PKN2: variants seen among roughly 807,000 people sequenced by gnomAD.
PKN2 encodes the protein protein kinase N2.
In PKN2, 38 loss-of-function variants were observed where a neutral mutation model predicts 119.1. The ratio of observed to expected loss-of-function variants is 0.32; its 90% CI spans 0.25 to 0.42. The LOEUF is 0.42. Ranked by LOEUF, PKN2 falls within the 10% of genes least tolerant of loss-of-function variation. PKN2 has a pLI of 1.00. For missense variants in PKN2, 850 were observed against 1,165.1 expected, an observed-to-expected ratio of 0.73 and a Z score of 3.94; for synonymous variants, 390 against 384.9, an observed-to-expected ratio of 1.01 and a Z score of -0.15.
chr1:88,685,299 T>C (rs1003193901), intron 1 of PKN2: 1 of 152,000 alleles, frequency 6.6e-6, no homozygotes, highest in Non-Finnish European at 1.5e-5. Context: ...TGCCTTTCTC[T>C]GCTACCCCTG....
chr1:88,730,529 T>G (rs1342145411), intron 1 of PKN2, among the ~76,000 whole-genome samples: 1 of 152,234 alleles, frequency 6.6e-6, no homozygotes. Flanking sequence ...AAAGCTTTCA[T>G]CAAAATCCTG....
intron 1 of PKN2, among the ~76,000 whole-genome samples, chr1:88,733,584 T>G (rs1009079275): frequency 6.6e-6 from 1 of 152,192 alleles, no homozygotes; most frequent in African/African-American, 2.4e-5. Flanking sequence ...TATTAACCCT[T>G]TATCAGTTGT....
chr1:88,695,846 T>C (rs752475365), intron 1 of PKN2, among the ~76,000 whole-genome samples: 4 of 152,208 alleles, frequency 2.6e-5, no homozygotes, highest in African/African-American at 4.8e-5. Flanking sequence ...ACGTCTCTCA[T>C]GTTTTTATTA....
Position 88,684,465 on chromosome 1 carries a change from T to TTG in PKN2, c.-114_-113dup. 2.3e-6 allele frequency: 2 copies of TTG among 864,628 alleles called. No individual in the cohort carries two copies. Among genetic ancestry groups the TTG allele is most frequent in the Admixed American group, 3.0e-5 (1 of 33,440 alleles). The allele number at this position is 864,628 out of a possible 1,614,324, so 53.6% of individuals were successfully genotyped here. A position where few individuals can be genotyped will look rare whatever the true frequency, so the allele number is the denominator to read the frequency against. ...GGGCTGCGCCTCCATGAATCCCTAG[T>TTG]TGTTTTTTTTTTTTTCTTTCTCTCC... On this transcript the variant is annotated 5_prime_UTR_variant, in exon 1 of 22. Transcript: ENST00000370521.
intron 1 of PKN2, among the ~76,000 whole-genome samples, chr1:88,726,422 C>T (rs1482107251): frequency 6.6e-6 from 1 of 151,978 alleles, no homozygotes; most frequent in Admixed American, 6.6e-5. Context: ...CATAAGTTGG[C>T]GTGATCATGT....
intron 6 of PKN2, among the ~76,000 whole-genome samples, chr1:88,779,071 T>G (rs1327555017): frequency 6.6e-6 from 1 of 152,186 alleles, no homozygotes; most frequent in East Asian, 1.9e-4. Context: ...GGTGTTAGTA[T>G]TTTAGGGAGC....
intron 1 of PKN2, among the ~76,000 whole-genome samples, chr1:88,725,708 A>G (rs1667869609): frequency 6.6e-6 from 1 of 152,240 alleles, no homozygotes; most frequent in Admixed American, 6.5e-5. Context: ...TTTGAAGAGC[A>G]AAAGTTTTAC....
At chr1:88,775,485 C>T (rs1670055684) in intron 6 of PKN2, among the ~76,000 whole-genome samples, 1 of 152,060 alleles carries the variant, frequency 6.6e-6, no homozygotes, top group Non-Finnish European at 1.5e-5. Flanking sequence ...TGTGGATGTA[C>T]CATAATTTAT....
At chr1:88,689,094 G>A (rs545291615) in intron 1 of PKN2, among the ~76,000 whole-genome samples, 1 of 152,284 alleles carries the variant, frequency 6.6e-6, no homozygotes, top group East Asian at 1.9e-4. Flanking sequence ...TGAGTTGGGA[G>A]GATTAAAATT....
At chr1:88,817,720 AAAG>A (rs1274925401) in intron 16 of PKN2, among the ~76,000 whole-genome samples, 1 of 145,096 alleles carries the variant, frequency 6.9e-6, no homozygotes, top group East Asian at 2.1e-4. Flanking sequence ...AAAAAAAAAA[AAAG>A]AAAAGAAAAG....
intron 19 of PKN2, chr1:88,829,312 AT>A: frequency 1.7e-6 from 1 of 597,538 alleles, no homozygotes; most frequent in Admixed American, 2.3e-5. Context: ...CACATGTGCT[AT>A]CAAAAGTATT....
intron 2 of PKN2, among the ~76,000 whole-genome samples, chr1:88,754,727 G>A (rs901168142): frequency 8.5e-5 from 13 of 152,114 alleles, no homozygotes; most frequent in Admixed American, 5.2e-4. Flanking sequence ...TCTTGTCTGC[G>A]TTCCATCTTA....
chr1:88,813,809 AT>A, intron 16 of PKN2, 76 bp downstream of exon 16: 1 of 1,249,854 alleles, frequency 8.0e-7, no homozygotes, highest in Non-Finnish European at 1.1e-6. Flanking sequence ...GATTCTTTGA[AT>A]TTTAGATTTT....
chr1:88,728,935 C>T (rs1195020356), intron 1 of PKN2, among the ~76,000 whole-genome samples: 2 of 147,402 alleles, frequency 1.4e-5, no homozygotes, highest in Non-Finnish European at 3.0e-5. Flanking sequence ...CGCTCTTGTG[C>T]CCAGGCTGGA....
intron 3 of PKN2, 83 bp downstream of exon 3, chr1:88,760,459 T>C (rs1483007208): frequency 1.2e-5 from 9 of 769,524 alleles, no homozygotes; most frequent in Non-Finnish European, 1.6e-5. Flanking sequence ...TTCAATAAAA[T>C]TTATTAGTAA....
chr1:88,701,472 A>G (rs1025229722), intron 1 of PKN2, among the ~76,000 whole-genome samples: 11 of 152,358 alleles, frequency 7.2e-5, no homozygotes, highest in Admixed American at 3.9e-4. Context: ...TGGTTGCTCA[A>G]TATGAGACTT....
intron 1 of PKN2, among the ~76,000 whole-genome samples, chr1:88,708,190 C>T (rs983463155): frequency 4.7e-5 from 7 of 149,962 alleles, no homozygotes; most frequent in African/African-American, 7.3e-5. Context: ...CTGTTAAACT[C>T]GAATATGGTT....
intron 19 of PKN2, among the ~76,000 whole-genome samples, chr1:88,830,956 A>G (rs1034329727): frequency 1.3e-5 from 2 of 152,130 alleles, no homozygotes; most frequent in Admixed American, 1.3e-4. Context: ...AGATTTCTCT[A>G]TTATTACAAA....
At chr1:88,765,274 C>A (rs1669619266) in intron 3 of PKN2, among the ~76,000 whole-genome samples, 1 of 104,904 alleles carries the variant, frequency 9.5e-6, no homozygotes, top group Non-Finnish European at 1.9e-5. Context: ...GTTTTTGAGA[C>A]TTCATCTCAA....
Sources: allele counts gnomAD v4.1 joint callset (sites outside exome capture counted in the v4.1 genomes callset), GRCh38; gene constraint gnomAD v4.1.1; transcripts MANE v1.5; gene names NCBI Gene and HGNC (gene_info 2026-07-23, HGNC 2026-07-21).